ENO1: variants seen among roughly 807,000 people sequenced by gnomAD.
ENO1 encodes the protein enolase 1.
A neutral mutation model predicts 46.3 loss-of-function variants in ENO1; 33 were observed. The ratio of observed to expected loss-of-function variants is 0.71; its 90% confidence interval spans 0.54 to 0.95. The LOEUF is 0.95. Among genes scored for constraint, ENO1 ranks in the 40% least tolerant of loss-of-function variants. The probability of loss-of-function intolerance (pLI) is 0.00; values close to 1 mark genes in which losing one functional copy is unlikely to be tolerated. For missense variants in ENO1, 488 were observed against 553.3 expected, an observed-to-expected ratio of 0.88 and a Z score of 1.18; for synonymous variants, 220 against 216.0, an observed-to-expected ratio of 1.02 and a Z score of -0.16.
intron 2 of ENO1, 35 bp downstream of exon 2, chr1:8,874,789 G>C: frequency 6.3e-7 from 1 of 1,580,266 alleles, no homozygotes; most frequent in Non-Finnish European, 8.6e-7. Context: ...AAGCACGGTG[G>C]AAGGAACCAT....
intron 4 of ENO1, chr1:8,870,203 A>T: frequency 3.8e-6 from 2 of 524,322 alleles, no homozygotes; most frequent in Non-Finnish European, 3.4e-6. Context: ...AGAGAGTTGC[A>T]GGGGGGAAGA....
chr1:8,863,443 G>A (rs1469624614), intron 9 of ENO1, 100 bp from the exon 10 acceptor site: 13 of 1,139,218 alleles, frequency 1.1e-5, no homozygotes, highest in Admixed American at 2.6e-5. Flanking sequence ...GCAGTGGAGG[G>A]GCTGTTAATG....
At chr1:8,871,327 TCTAGAAAGGTCAATGTTG>T (rs1402105206) in intron 3 of ENO1, 1 of 991,814 alleles carries the variant, frequency 1.0e-6, no homozygotes, top group Non-Finnish European at 1.2e-6. Context: ...ATGTTCTATC[TCTAGAAAGGTCAATGTTG>T]CACACACACT....
Position 8,871,941 on chromosome 1 carries a change from T to A in ENO1, c.131A>T (p.Tyr44Phe). 2 of 1,614,150 alleles carry A rather than the reference T, an allele frequency of 1.2e-6. No individual in the cohort carries two copies. The highest frequency in any genetic ancestry group is 1.3e-5 in the African/African-American group (1 of 75,046). ...AVPSGASTGI[Y>F]EALELRDNDK... ...ATTGTCCCGGAGCTCTAGGGCCTCA[T>A]AGATACCAGTTGAAGCACCACTGGG... The change falls in exon 3 of 12, where the codon TAT becomes TTT. Residue 44 changes from tyrosine (Y) to phenylalanine (F), a missense_variant. Coordinates refer to ENST00000234590, the MANE Select transcript of ENO1 (RefSeq NM_001428.5).
intron 5 of ENO1, among the ~76,000 whole-genome samples, 179 bp downstream of exon 5, chr1:8,867,809 C>T (rs770935948): frequency 1.3e-5 from 2 of 152,134 alleles, no homozygotes; most frequent in African/African-American, 2.4e-5. Context: ...GGATTACAGG[C>T]GTGAGCCACC....
chr1:8,869,723 C>A (rs753187081), intron 4 of ENO1, among the ~76,000 whole-genome samples: 2 of 152,154 alleles, frequency 1.3e-5, no homozygotes, highest in African/African-American at 2.4e-5. Context: ...CCATGCCCGG[C>A]CAATTTTTGT....
chr1:8,877,710 CA>C (rs201203114), intron 1 of ENO1: 79,920 of 150,588 alleles, frequency 0.53, 21,536 homozygotes, highest in African/African-American at 0.57. Flanking sequence ...ACAACAACAA[CA>C]AAAAAAAAAC....
chr1:8,878,560 A>T lies in ENO1; in HGVS notation c.-10+20T>A, dbSNP rs1028982947. 2.2e-6 allele frequency: 1 copy of T among 455,342 alleles called. No individual in the cohort carries two copies. The highest frequency in any genetic ancestry group is 4.4e-6 in the Non-Finnish European group (1 of 226,338). The allele number at this position is 455,342 out of a possible 1,614,324, so 28.2% of individuals were successfully genotyped here. On this transcript the variant is annotated intron_variant, in intron 1 of 11. Transcript: ENST00000234590. The stretch of plus-strand genomic sequence containing the variant: ...GCCCTGCGCCGCCTGCCCGTTGCTC[A>T]GCCCTTCCCCAATCATTACCTAGCC...
At chr1:8,876,920 C>G (rs1642745552) in intron 1 of ENO1, among the ~76,000 whole-genome samples, 1 of 151,796 alleles carries the variant, frequency 6.6e-6, no homozygotes. Context: ...TTTTGGCTCA[C>G]TGCAACCTCA....
At chr1:8,871,239 C>T in intron 3 of ENO1, 1 of 1,022,594 alleles carries the variant, frequency 9.8e-7, no homozygotes, top group Non-Finnish European at 1.2e-6. Context: ...CCCCTCCCTG[C>T]AGCCTTTTTG....
At chr1:8,876,921 T>G (rs2124112773) in intron 1 of ENO1, among the ~76,000 whole-genome samples, 1 of 151,872 alleles carries the variant, frequency 6.6e-6, no homozygotes, top group East Asian at 1.9e-4. Context: ...TTTGGCTCAC[T>G]GCAACCTCAG....
chr1:8,872,855 A>G (rs1642661809), intron 2 of ENO1, among the ~76,000 whole-genome samples: 1 of 152,230 alleles, frequency 6.6e-6, no homozygotes. Flanking sequence ...AGATAATAAA[A>G]TGCGCAGTTT....
intron 3 of ENO1, chr1:8,871,367 A>T: frequency 2.0e-6 from 2 of 992,152 alleles, no homozygotes; most frequent in Non-Finnish European, 1.2e-6. Context: ...AGTCAATTTG[A>T]ATACAGCCAG....
At chr1:8,866,076 C>CAAAAAAAAAAAAA (rs70985533) in intron 7 of ENO1, 4 of 365,514 alleles carry the variant, frequency 1.1e-5, no homozygotes, top group East Asian at 5.1e-5. Context: ...GACTCCATCT[C>CAAAAAAAAAAAAA]AAAAAAAAAA....
chr1:8,878,277 G>A, intron 1 of ENO1: 3 of 263,310 alleles, frequency 1.1e-5, no homozygotes, highest in South Asian at 1.0e-4. Context: ...CAGCTCGCGT[G>A]TGCAGCTCCC....
Position 8,866,432 on chromosome 1 carries a change from G to A in ENO1, c.514C>T (p.Pro172Ser). Residue 172 changes from proline (P) to serine (S), a missense_variant, in exon 7 of 12, where the codon CCA becomes TCA. Transcript: ENST00000234590. ...KLAMQEFMIL[P>S]VGAANFREAM... ...TCCCTGAAGTTTGCTGCACCGACTGGGAGGATCATGAACTCCTGCATGGCC... is the reference window on the plus strand; with the variant it reads ...TCCCTGAAGTTTGCTGCACCGACTGAGAGGATCATGAACTCCTGCATGGCC... The A allele has an allele frequency of 6.2e-7, 1 of 1,614,232 alleles. No homozygotes were observed. Among genetic ancestry groups the A allele is most frequent in the Non-Finnish European group, 8.5e-7 (1 of 1,180,046 alleles).
chr1:8,867,040 C>T (rs769974282), intron 6 of ENO1, 77 bp downstream of exon 6: 13 of 1,568,210 alleles, frequency 8.3e-6, no homozygotes, highest in Non-Finnish European at 1.0e-5. Context: ...GATATCAAGG[C>T]ATAGGAGGTC....
At chr1:8,866,227 G>GA in intron 7 of ENO1, 52 bp downstream of exon 7, 2 of 1,469,674 alleles carry the variant, frequency 1.4e-6, no homozygotes, top group Non-Finnish European at 1.8e-6. Flanking sequence ...CCCCAACAGA[G>GA]GGAGCTGGCG....
At chr1:8,863,784 G>A in intron 9 of ENO1, 107 bp downstream of exon 9, 1 of 1,265,920 alleles carries the variant, frequency 7.9e-7, no homozygotes, top group South Asian at 1.2e-5. Context: ...ATTCCAGCGA[G>A]TCCTACATTC....
Sources: allele counts gnomAD v4.1 joint callset (sites outside exome capture counted in the v4.1 genomes callset), GRCh38; gene constraint gnomAD v4.1.1; transcripts MANE v1.5; gene names NCBI Gene and HGNC (gene_info 2026-07-23, HGNC 2026-07-21).